Variants in STAT1 observed in about 807,000 individuals in gnomAD.
STAT1 encodes the protein signal transducer and activator of transcription 1-alpha/beta.
In STAT1, 24 loss-of-function variants were observed where a neutral mutation model predicts 111.7. The ratio of observed to expected loss-of-function variants is 0.21; its 90% CI spans 0.16 to 0.30. STAT1 has a LOEUF of 0.30. STAT1 is among the 10% of genes least tolerant of loss of function. The pLI is 1.00. For missense variants in STAT1, 351 were observed against 911.9 expected (o/e 0.38, Z 7.92); for synonymous variants, 332 against 326.5 (o/e 1.02, Z -0.18).
At position 190,976,301 on chromosome 2, in the gene STAT1, CT is replaced by C. The variant is rs370244479; in HGVS notation, c.2060-415del. Among the ~76,000 whole-genome samples the C allele has an allele frequency of 2.8e-3, 425 of 152,308 alleles. 4 individuals are homozygous for C. Among genetic ancestry groups the C allele is most frequent in the African/African-American group, 9.9e-3 (413 of 41,576 alleles). On this transcript the variant is annotated intron_variant, in intron 22 of 24. Transcript: ENST00000361099. The surrounding 1 kb of genome is among the most constrained non-coding windows in gnomAD (Gnocchi z 6.0). ...TGTCCTAATATTGAGATTTCTGATT[CT>C]GAAAAACAGCTTTGTTGGTGTGTTC...
chr2:190,975,892 A>T lies in STAT1; in HGVS notation c.2060-5T>A. 1 of 1,609,722 alleles carries T rather than the reference A, an allele frequency of 6.2e-7. No homozygotes were observed. The highest frequency in any genetic ancestry group is 8.5e-7 in the Non-Finnish European group (1 of 1,175,924). The stretch of plus-strand genomic sequence containing the variant: ...CAAGTTCCATTGGCTCTGGTGCTAG[A>T]AATAAACACATTGTGTACGCTTTCC... On this transcript the variant is annotated splice_region_variant and splice_polypyrimidine_tract_variant and intron_variant, in intron 22 of 24. Transcript: ENST00000361099. This position sits in a 1 kb window ranked among gnomAD's most constrained non-coding sequence, Gnocchi z 5.9.
intron 2 of STAT1, 45 bp from the exon 3 acceptor site, chr2:191,010,049 C>T (rs1695006996): frequency 1.2e-6 from 2 of 1,607,684 alleles, no homozygotes; most frequent in African/African-American, 2.7e-5. Context: ...ATATGGAAAC[C>T]ATAGCTCCAA....
chr2:190,972,942 A>G (rs892659816), intron 24 of STAT1, among the ~76,000 whole-genome samples: 3 of 152,018 alleles, frequency 2.0e-5, no homozygotes, highest in African/African-American at 7.2e-5. Flanking sequence ...AAGACCACAA[A>G]ACTGTTTCCT....
chr2:191,001,299 T>A, intron 5 of STAT1, 136 bp from the exon 6 acceptor site: 1 of 724,940 alleles, frequency 1.4e-6, no homozygotes. Context: ...TATGTGTCAA[T>A]ATGAAATTTT....
At position 190,989,497 on chromosome 2, in the gene STAT1, C is replaced by T. The variant is rs1289019151; in HGVS notation, c.1097+118G>A. On this transcript the variant is annotated intron_variant, in intron 12 of 24. Transcript: ENST00000361099. The surrounding 1 kb of genome is among the most constrained non-coding windows in gnomAD (Gnocchi z 5.0). The stretch of plus-strand genomic sequence containing the variant: ...GGCCCTAGGGAGGCAAACTTCCACC[C>T]AGTATAGACCCTTCCACAGCTAGAA... The T allele has an allele frequency of 1.4e-6, 1 of 693,732 alleles. No individual in the cohort carries two copies. Among genetic ancestry groups the T allele is most frequent in the Non-Finnish European group, 2.4e-6 (1 of 416,846 alleles). 43.0% of individuals were successfully genotyped at this position (693,732 alleles called of 1,614,324 possible).
In STAT1 at chr2:190,974,904, T is replaced by G; in HGVS notation, c.2164A>C (p.Asn722His). The change falls in exon 24 of 25, where the codon AAC (asparagine) becomes CAC (histidine). Residue 722 changes from asparagine (N) to histidine (H), a missense_variant. Physicochemically the swap from Asn to His is moderately conservative, Grantham distance 68 (BLOSUM62 1). Around this residue, in one of 7 missense-constraint regions of STAT1, gnomAD observed 181 missense variants for 426.1 expected, o/e 0.42. Coordinates refer to ENST00000361099, the MANE Select transcript of STAT1 (RefSeq NM_007315.4). This position sits in a 1 kb window ranked among gnomAD's most constrained non-coding sequence, Gnocchi z 4.8. ...TCCTCAGGAGACATGGGGAGCAGGT[T>G]GTCTGTGGTCTGAAGTCTAGAAGGG... Reference protein sequence around the residue: ...VHPSRLQTTDNLLPMSPEEFD... With the variant: ...VHPSRLQTTDHLLPMSPEEFD... 6.2e-7 allele frequency: 1 copy of G among 1,614,210 alleles called. No individual in the cohort carries two copies. The highest frequency in any genetic ancestry group is 8.5e-7 in the Non-Finnish European group (1 of 1,180,020).
chr2:190,978,734 G>C lies in STAT1; in HGVS notation c.1873+122C>G, dbSNP rs1445855270. The C allele has an allele frequency of 1.5e-6, 2 of 1,300,530 alleles. No individual in the cohort carries two copies. The highest frequency in any genetic ancestry group is 2.2e-6 in the Non-Finnish European group (2 of 928,904). The allele number at this position is 1,300,530 out of a possible 1,614,324, so 80.6% of individuals were successfully genotyped here. On this transcript the variant is annotated intron_variant, in intron 21 of 24. Transcript: ENST00000361099. This position sits in a 1 kb window ranked among gnomAD's most constrained non-coding sequence, Gnocchi z 6.1. ...AAATCCTATCGGGGGCTCATTTGGG[G>C]TAAGTATAAGATCTGCAATTTCATG...
In STAT1 at chr2:190,975,078, T is replaced by C. The variant is rs1165236882; in HGVS notation, c.2136-146A>G. 4.0e-6 allele frequency: 3 copies of C among 754,748 alleles called. No homozygotes were observed. The highest frequency in any genetic ancestry group is 7.0e-6 in the Non-Finnish European group (3 of 426,272). The allele number at this position is 754,748 out of a possible 1,614,324, so 46.8% of individuals were successfully genotyped here. ...TAAGTGCATACACTTGTAAAATACA[T>C]TTGCAAAAGTACAGCTCATGGGAGG... On this transcript the variant is annotated intron_variant, in intron 23 of 24. Transcript: ENST00000361099. This position sits in a 1 kb window ranked among gnomAD's most constrained non-coding sequence, Gnocchi z 5.9.
rs397840071 is a variant in STAT1 at position 190,975,626 on chromosome 2, C to CT, written c.2135+185dup. Reference sequence around the variant, plus strand: ...CCTTAAATACAAATTTGGTTTTTGGCTTTTTTTTTTTTTTTAAAGTAGTAA... The same window carrying CT: ...CCTTAAATACAAATTTGGTTTTTGGCTTTTTTTTTTTTTTTTAAAGTAGTAA... On this transcript the variant is annotated intron_variant, in intron 23 of 24. Coordinates refer to ENST00000361099, the MANE Select transcript of STAT1 (RefSeq NM_007315.4). This position sits in a 1 kb window ranked among gnomAD's most constrained non-coding sequence, Gnocchi z 5.9. The CT allele has an allele frequency of 0.019, 24,087 of 1,281,250 alleles. 6 individuals are homozygous for CT. Among genetic ancestry groups the CT allele is most frequent in the South Asian group, 0.037 (2,299 of 61,332 alleles). The allele number at this position is 1,281,250 out of a possible 1,614,324, so 79.4% of individuals were successfully genotyped here. A position where few individuals can be genotyped will look rare whatever the true frequency, so the allele number is the denominator to read the frequency against.
rs550703944 is a variant in STAT1 at position 190,992,833 on chromosome 2, A to G, written c.945-1513T>C. On this transcript the variant is annotated intron_variant, in intron 10 of 24. Transcript: ENST00000361099. The stretch of plus-strand genomic sequence containing the variant: ...GAGACAGAGTCTTGCTCCGTCTCCT[A>G]GGCTGGAGAGCAATGGCGCAATCTC... 7.0e-4 allele frequency: 237 copies of G among 339,786 alleles called. 1 individual carries two copies. The highest frequency in any genetic ancestry group is 1.1e-3 in the Non-Finnish European group (213 of 199,142). 21.0% of individuals were successfully genotyped at this position (339,786 alleles called of 1,614,324 possible).
At position 191,004,151 on chromosome 2, in the gene STAT1, C is replaced by T. The variant is rs1694500484; in HGVS notation, c.373-2988G>A. On this transcript the variant is annotated intron_variant, in intron 5 of 24. Coordinates refer to ENST00000361099, the MANE Select transcript of STAT1 (RefSeq NM_007315.4). This position sits in a 1 kb window ranked among gnomAD's most constrained non-coding sequence, Gnocchi z 5.0. Reference sequence around the variant, plus strand: ...CCACTCATCCCTCCCTGCTTCCCTCCACCCTGCCCCCATCTGCTAAGCAGA... The same window carrying T: ...CCACTCATCCCTCCCTGCTTCCCTCTACCCTGCCCCCATCTGCTAAGCAGA... Among the ~76,000 whole-genome samples the T allele has an allele frequency of 6.6e-6, 1 of 152,190 alleles. No individual in the cohort carries two copies. The highest frequency in any genetic ancestry group is 6.5e-5 in the Admixed American group (1 of 15,278).
In STAT1 at chr2:190,981,041, G is replaced by A. The variant is rs1450770077; in HGVS notation, c.1583-372C>T. ...CCCTTTTCCCTCCCTCCTCTAAAGA[G>A]AGGACAGTCCTTTTAATGCCTCTTC... On this transcript the variant is annotated intron_variant, in intron 18 of 24. Transcript: ENST00000361099. The surrounding 1 kb of genome is among the most constrained non-coding windows in gnomAD (Gnocchi z 4.1). 8.0e-6 allele frequency among the ~76,000 whole-genome samples: 1 copy of A among 124,686 alleles called. No homozygotes were observed. The highest frequency in any genetic ancestry group is 1.6e-5 in the Non-Finnish European group (1 of 61,398). 81.8% of individuals were successfully genotyped at this position (124,686 alleles called of 152,430 possible). A position where few individuals can be genotyped will look rare whatever the true frequency, so the allele number is the denominator to read the frequency against.
Position 190,999,953 on chromosome 2 carries a change from T to A in STAT1, c.463-249A>T, listed in dbSNP as rs559004906. On this transcript the variant is annotated intron_variant, in intron 6 of 24. Transcript: ENST00000361099. The surrounding 1 kb of genome is among the most constrained non-coding windows in gnomAD (Gnocchi z 4.1). The stretch of plus-strand genomic sequence containing the variant: ...CAAACTGATTTGTATGTCCTTAACC[T>A]GGTTCCAGCGCCTAAATTTTGATTC... Among the ~76,000 whole-genome samples, 1 of 152,338 alleles carries A rather than the reference T, an allele frequency of 6.6e-6. No individual in the cohort carries two copies. The highest frequency in any genetic ancestry group is 2.1e-4 in the South Asian group (1 of 4,826).
Position 190,978,192 on chromosome 2 carries a change from A to C in STAT1, c.1873+664T>G, listed in dbSNP as rs1357157199. On this transcript the variant is annotated intron_variant, in intron 21 of 24. Coordinates refer to ENST00000361099, the MANE Select transcript of STAT1 (RefSeq NM_007315.4). The surrounding 1 kb of genome is among the most constrained non-coding windows in gnomAD (Gnocchi z 6.1). ...AAATCAGTTTTTCCTCCTGCCCTTC[A>C]AACAGACCAAACTCTAAACAACAGT... Among the ~76,000 whole-genome samples the C allele has an allele frequency of 1.3e-5, 2 of 152,240 alleles. No individual in the cohort carries two copies. The highest frequency in any genetic ancestry group is 6.5e-5 in the Admixed American group (1 of 15,286).
chr2:190,980,719 G>T lies in STAT1; in HGVS notation c.1583-50C>A. On this transcript the variant is annotated intron_variant, in intron 18 of 24. Transcript: ENST00000361099. The surrounding 1 kb of genome is among the most constrained non-coding windows in gnomAD (Gnocchi z 6.1). Reference sequence around the variant, plus strand: ...TCAGCAAACAGAAACTGATTCTAAAGCTTTGGTTGGACGGATGGCTCTTGT... The same window carrying T: ...TCAGCAAACAGAAACTGATTCTAAATCTTTGGTTGGACGGATGGCTCTTGT... 1 of 1,580,130 alleles carries T rather than the reference G, an allele frequency of 6.3e-7. No individual in the cohort carries two copies. The highest frequency in any genetic ancestry group is 8.7e-7 in the Non-Finnish European group (1 of 1,149,418).
chr2:190,992,615 G>A, intron 10 of STAT1: 1 of 988,924 alleles, frequency 1.0e-6, no homozygotes, highest in Non-Finnish European at 1.3e-6. Flanking sequence ...ATTTATTACT[G>A]TGAGAAAAGG....
chr2:190,984,206 A>G lies in STAT1; in HGVS notation c.1347+104T>C. On this transcript the variant is annotated intron_variant, in intron 16 of 24. Transcript: ENST00000361099. The surrounding 1 kb of genome is among the most constrained non-coding windows in gnomAD (Gnocchi z 5.2). ...AGCTGAAAAAGATCATTTTAAAACA[A>G]TTAGGTAAATACCTCCAGAACAAAC... The G allele has an allele frequency of 5.3e-6, 5 of 950,096 alleles. No individual in the cohort carries two copies. In the South Asian group the frequency reaches 7.2e-5, roughly 14 times the overall value. 58.9% of individuals were successfully genotyped at this position (950,096 alleles called of 1,614,324 possible).
At position 190,980,532 on chromosome 2, in the gene STAT1, A is replaced by G; in HGVS notation, c.1632+88T>C. On this transcript the variant is annotated intron_variant, in intron 19 of 24. Coordinates refer to ENST00000361099, the MANE Select transcript of STAT1 (RefSeq NM_007315.4). This position sits in a 1 kb window ranked among gnomAD's most constrained non-coding sequence, Gnocchi z 6.1. ...GAAGAACACGCCAAAATAAGCAAAC[A>G]GTTAAGTAACTATCACAGCAAGAAA... 6.9e-7 allele frequency: 1 copy of G among 1,456,198 alleles called. No individual in the cohort carries two copies. The allele number at this position is 1,456,198 out of a possible 1,614,324, so 90.2% of individuals were successfully genotyped here.
Position 190,999,613 on chromosome 2 carries a change from T to A in STAT1, c.541+13A>T. ...TGCAGCCAACGGGCACCACTTCAGTTGTGAACCCTTACCTCTGTTCTGCAA... is the reference window on the plus strand; with the variant it reads ...TGCAGCCAACGGGCACCACTTCAGTAGTGAACCCTTACCTCTGTTCTGCAA... On this transcript the variant is annotated intron_variant, in intron 7 of 24. Transcript: ENST00000361099. The surrounding 1 kb of genome is among the most constrained non-coding windows in gnomAD (Gnocchi z 4.1). 4 of 1,607,450 alleles carry A rather than the reference T, an allele frequency of 2.5e-6. No homozygotes were observed. The highest frequency in any genetic ancestry group is 3.4e-6 in the Non-Finnish European group (4 of 1,173,954).
Sources: gnomAD v4.1 joint callset for allele counts (sites outside exome capture counted in the v4.1 genomes callset) on GRCh38, gnomAD v4.1.1 for gene constraint, gnomAD v4.1.1 regional missense constraint, Gnocchi (gnomAD v3.1) non-coding constraint, MANE v1.5 for transcripts, NCBI Gene and HGNC (gene_info 2026-07-23, HGNC 2026-07-21) for gene names.